The following NTRK2 variants were observed in gnomAD, a reference collection of about 807,000 sequenced individuals.
The protein encoded by NTRK2 is neurotrophic receptor tyrosine kinase 2, also known as BDNF/NT-3 growth factors receptor.
A neutral mutation model predicts 94.5 loss-of-function variants in NTRK2; 13 were observed. The observed-to-expected ratio is 0.14, with a 90% CI of 0.09 to 0.22. The LOEUF is 0.22. Among genes scored for constraint, NTRK2 ranks in the 10% least tolerant of loss-of-function variants. The pLI is 1.00. For synonymous variants in NTRK2, 372 were observed against 407.4 expected, an observed-to-expected ratio of 0.91 and a Z score of 1.05; for missense variants, 639 against 1,071.2, an observed-to-expected ratio of 0.60 and a Z score of 5.63.
chr9:84,918,711 A>G lies in NTRK2; in HGVS notation c.1634-15451A>G, dbSNP rs540967285. On this transcript the variant is annotated intron_variant, in intron 14 of 18. Transcript: ENST00000277120. ...AAAGCTATTTATGTTCCTGAGAGTC[A>G]TGTTGCGTATGGTAGCCGAGTGAAT... is the stretch of plus-strand genomic sequence containing the variant. 2.6e-5 allele frequency among the ~76,000 whole-genome samples: 4 copies of G among 152,344 alleles called. No individual in the cohort carries two copies. The South Asian group carries it at 8.3e-4, about 32-fold the overall frequency.
chr9:84,801,539 C>G (rs1024410615), intron 12 of NTRK2, among the ~76,000 whole-genome samples: 5 of 152,156 alleles, frequency 3.3e-5, no homozygotes, highest in Non-Finnish European at 7.3e-5. Flanking sequence ...AGCCACATCT[C>G]TCAGTCAGCC....
chr9:84,944,215 T>TCTCTCTCA (rs1440338055), intron 15 of NTRK2, among the ~76,000 whole-genome samples: 5,052 of 120,172 alleles, frequency 0.042, 124 homozygotes, highest in Non-Finnish European at 0.062. Context: ...TCTCTCTCTC[T>TCTCTCTCA]CACACACACA....
chr9:84,727,092 A>G (rs2062516802), intron 8 of NTRK2, among the ~76,000 whole-genome samples: 1 of 152,220 alleles, frequency 6.6e-6, no homozygotes. Context: ...ATCAGTAATA[A>G]ATGTTGATTT....
chr9:84,686,374 A>G (rs1209057575), intron 2 of NTRK2, among the ~76,000 whole-genome samples: 1 of 152,242 alleles, frequency 6.6e-6, no homozygotes, highest in Non-Finnish European at 1.5e-5. Context: ...AGGAAAATCC[A>G]GGGGAAAAGA....
At chr9:84,798,545 C>G (rs929658218) in intron 12 of NTRK2, among the ~76,000 whole-genome samples, 3 of 152,148 alleles carry the variant, frequency 2.0e-5, no homozygotes, top group African/African-American at 7.2e-5. Context: ...AGTTACTTAA[C>G]CTCTCAGAAA....
intron 16 of NTRK2, among the ~76,000 whole-genome samples, chr9:84,951,488 T>G (rs150807173): frequency 1.5e-3 from 226 of 152,312 alleles, no homozygotes; most frequent in African/African-American, 4.9e-3. Flanking sequence ...ACAAATGTGC[T>G]CACCTGGATG....
At chr9:84,732,937 T>C (rs960605769) in intron 9 of NTRK2, among the ~76,000 whole-genome samples, 22 of 152,186 alleles carry the variant, frequency 1.4e-4, no homozygotes, top group African/African-American at 5.3e-4. Flanking sequence ...AAGTACTTTA[T>C]GTTGTTGGGG....
chr9:84,815,547 TG>T lies in NTRK2; in HGVS notation c.1397-45490del, dbSNP rs1465091277. The T allele has an allele frequency of 7.8e-6, 8 of 1,020,894 alleles. No individual in the cohort carries two copies. The African/African-American group carries it at 8.6e-5, about 11-fold the overall frequency. The allele number at this position is 1,020,894 out of a possible 1,614,324, so 63.2% of individuals were successfully genotyped here. A position where few individuals can be genotyped will look rare whatever the true frequency, so the allele number is the denominator to read the frequency against. On this transcript the variant is annotated intron_variant, in intron 12 of 18. Transcript: ENST00000277120. The stretch of plus-strand genomic sequence containing the variant: ...TTTTTTTTTTTTTCCTATAATGTTC[TG>T]GGTTTAAAAGCCATCTTTTCCACAT...
intron 17 of NTRK2, among the ~76,000 whole-genome samples, chr9:84,982,915 A>G (rs1363813863): frequency 1.3e-5 from 2 of 152,212 alleles, no homozygotes; most frequent in Non-Finnish European, 1.5e-5. Flanking sequence ...TATTCAGCAG[A>G]TTATATAGAT....
At chr9:84,979,200 C>T (rs1034566553) in intron 17 of NTRK2, among the ~76,000 whole-genome samples, 2 of 152,162 alleles carry the variant, frequency 1.3e-5, no homozygotes, top group African/African-American at 2.4e-5. Flanking sequence ...TCTGATGGCT[C>T]TGGGCAAAGT....
chr9:84,952,636 A>C (rs914365364), intron 16 of NTRK2, among the ~76,000 whole-genome samples: 7 of 152,318 alleles, frequency 4.6e-5, no homozygotes, highest in Admixed American at 1.3e-4. Flanking sequence ...TGTTCTGCTC[A>C]GAGAAAGCAT....
intron 17 of NTRK2, among the ~76,000 whole-genome samples, chr9:85,011,497 G>A (rs140371833): frequency 1.7e-3 from 252 of 152,246 alleles, no homozygotes; most frequent in African/African-American, 5.6e-3. Context: ...TCCCGGATCC[G>A]ATAAGATTAG....
intron 12 of NTRK2, among the ~76,000 whole-genome samples, chr9:84,809,326 T>C (rs116870656): frequency 0.011 from 1,662 of 151,530 alleles, 14 homozygotes; most frequent in Middle Eastern, 0.028. Context: ...GTAACATTTA[T>C]CACAGCGTCT....
chr9:84,841,795 C>T (rs993432911), intron 12 of NTRK2, among the ~76,000 whole-genome samples: 9 of 152,228 alleles, frequency 5.9e-5, no homozygotes, highest in African/African-American at 1.9e-4. Flanking sequence ...AAAATATAAG[C>T]TACATTCACG....
chr9:84,865,753 C>T (rs1359235226), intron 13 of NTRK2, among the ~76,000 whole-genome samples: 1 of 152,202 alleles, frequency 6.6e-6, no homozygotes, highest in East Asian at 1.9e-4. Flanking sequence ...TGTCTTTTCT[C>T]TTTATTCTTT....
chr9:84,719,650 T>G (rs577792378), intron 6 of NTRK2, among the ~76,000 whole-genome samples: 4 of 152,136 alleles, frequency 2.6e-5, no homozygotes, highest in Admixed American at 2.6e-4. Context: ...GGTCATACCT[T>G]GAGAACAAGC....
At chr9:84,873,364 A>G (rs1587775778) in intron 14 of NTRK2, 1 of 1,058,636 alleles carries the variant, frequency 9.4e-7, no homozygotes, top group Non-Finnish European at 1.1e-6. Context: ...AGGACAGAGA[A>G]TGCACTTATT....
At chr9:84,969,008 G>A (rs548534579) in intron 17 of NTRK2, among the ~76,000 whole-genome samples, 25 of 152,222 alleles carry the variant, frequency 1.6e-4, no homozygotes, top group Admixed American at 3.3e-4. Flanking sequence ...TCACATTTTC[G>A]TTTTCTTCAT....
Position 84,727,760 on chromosome 9 carries a change from C to T in NTRK2, c.960C>T (p.Asn320=), listed in dbSNP as rs141580491. 9.6e-5 allele frequency: 155 copies of T among 1,614,162 alleles called. 1 individual carries two copies. Among genetic ancestry groups the T allele is most frequent in the South Asian group, 2.6e-4 (24 of 91,088 alleles). Residue 320 remains asparagine, a synonymous_variant, in exon 9 of 19, where the codon AAC becomes AAT. Coordinates refer to ENST00000277120, the MANE Select transcript of NTRK2 (RefSeq NM_006180.6). ...AACCAGCGCTTCAGTGGTTCTATAA[C>T]GGGGCAATATTGAATGAGTCCAAAT... ...NPKPALQWFY[N]GAILNESKYI...
Sources: gnomAD v4.1 joint callset for allele counts (sites outside exome capture counted in the v4.1 genomes callset) on GRCh38, gnomAD v4.1.1 for gene constraint, MANE v1.5 for transcripts, NCBI Gene and HGNC (gene_info 2026-07-23, HGNC 2026-07-21) for gene names.